Variants in NIPAL2 observed in about 807,000 individuals in gnomAD.
The protein encoded by NIPAL2 is NIPA-like protein 2.
A neutral mutation model predicts 48.9 loss-of-function variants in NIPAL2; 43 were observed. The observed-to-expected ratio is 0.88, with a 90% CI of 0.69 to 1.13. The LOEUF (loss-of-function observed/expected upper bound fraction) is 1.13, where lower values mean the gene tolerates loss of function less well. NIPAL2 is among the 50% of genes most tolerant of loss of function. The pLI, the probability that NIPAL2 is intolerant of heterozygous loss-of-function variation, is 0.00. For synonymous variants in NIPAL2, 167 were observed against 174.6 expected (o/e 0.96, Z 0.34); for missense variants, 446 against 461.4 (o/e 0.97, Z 0.31).
intron 4 of NIPAL2, among the ~76,000 whole-genome samples, chr8:98,225,887 C>T (rs549176109): frequency 3.3e-5 from 5 of 152,094 alleles, no homozygotes; most frequent in South Asian, 2.1e-4. Flanking sequence ...ATCTTGTAAG[C>T]GTGTTCCATT....
At chr8:98,229,934 T>C (rs139401493) in intron 4 of NIPAL2, among the ~76,000 whole-genome samples, 157 of 152,344 alleles carry the variant, frequency 1.0e-3, no homozygotes, top group African/African-American at 3.5e-3. Context: ...ATAAGTTGTA[T>C]AGTATATGAC....
At chr8:98,279,854 G>T (rs1815697950) in intron 1 of NIPAL2, among the ~76,000 whole-genome samples, 1 of 152,208 alleles carries the variant, frequency 6.6e-6, no homozygotes, top group African/African-American at 2.4e-5. Flanking sequence ...ATTAATGTCT[G>T]CAGTGCTCAC....
intron 3 of NIPAL2, among the ~76,000 whole-genome samples, chr8:98,243,726 A>G (rs1813118088): frequency 6.6e-6 from 1 of 152,218 alleles, no homozygotes; most frequent in African/African-American, 2.4e-5. Context: ...AATAAATGAG[A>G]AGTTAAATAC....
chr8:98,201,059 G>A (rs976052797), intron 8 of NIPAL2, among the ~76,000 whole-genome samples: 3 of 152,188 alleles, frequency 2.0e-5, no homozygotes, highest in Non-Finnish European at 4.4e-5. Context: ...CTAGGAGGGT[G>A]GCGGCATGTT....
intron 1 of NIPAL2, among the ~76,000 whole-genome samples, chr8:98,284,362 C>T (rs1044775763): frequency 6.6e-6 from 1 of 151,850 alleles, no homozygotes; most frequent in Admixed American, 6.6e-5. Context: ...TGACTTCTAA[C>T]CACTCTTTCA....
chr8:98,222,626 C>T, intron 4 of NIPAL2, 26 bp from the exon 5 acceptor site: 1 of 1,610,770 alleles, frequency 6.2e-7, no homozygotes, highest in East Asian at 2.2e-5. Context: ...AAAAGAAAAA[C>T]CAAATTGAAA....
In NIPAL2 at chr8:98,224,755, C is replaced by CTTTTT. The variant is rs371936351; in HGVS notation, c.437-2160_437-2156dup. Among the ~76,000 whole-genome samples the CTTTTT allele has an allele frequency of 1.8e-3, 226 of 123,710 alleles. 1 individual carries two copies. Among genetic ancestry groups the CTTTTT allele is most frequent in the Middle Eastern group, 5.5e-3 (1 of 182 alleles). The allele number at this position is 123,710 out of a possible 152,430, so 81.2% of individuals were successfully genotyped here. On this transcript the variant is annotated intron_variant, in intron 4 of 10. Transcript: ENST00000430223. ...CAGTTATACTTTCTTTCTTTCTTTT[C>CTTTTT]TTTTTTTTTTTTTTTTTTGTTGAAA...
At position 98,262,871 on chromosome 8, in the gene NIPAL2, C is replaced by G. The variant is rs867784476; in HGVS notation, c.136-8784G>C. On this transcript the variant is annotated intron_variant, in intron 1 of 10. Coordinates refer to ENST00000430223, the MANE Select transcript of NIPAL2 (RefSeq NM_001321635.2). ...CACCTGTTCCAAAATTGACCACATA[C>G]TTGGAAGTAAAGCTCTCCTCAGCAA... 1.1e-4 allele frequency among the ~76,000 whole-genome samples: 17 copies of G among 152,188 alleles called. 1 individual carries two copies. Among genetic ancestry groups the G allele is most frequent in the Middle Eastern group, 6.8e-3 (2 of 294 alleles).
intron 3 of NIPAL2, among the ~76,000 whole-genome samples, chr8:98,246,654 G>C (rs1813322619): frequency 6.6e-6 from 1 of 152,116 alleles, no homozygotes; most frequent in Non-Finnish European, 1.5e-5. Context: ...TTCAATATTA[G>C]TTTCTTACCT....
At chr8:98,236,260 C>T in intron 3 of NIPAL2, 46 bp from the exon 4 acceptor site, 1 of 1,332,496 alleles carries the variant, frequency 7.5e-7, no homozygotes, top group South Asian at 1.2e-5. Flanking sequence ...ATAAAAGTGT[C>T]TATTACGCAA....
intron 6 of NIPAL2, among the ~76,000 whole-genome samples, chr8:98,207,459 A>C (rs1811092869): frequency 6.6e-6 from 1 of 152,134 alleles, no homozygotes; most frequent in South Asian, 2.1e-4. Context: ...ATTGTAATGC[A>C]GTGTTCTTCT....
intron 3 of NIPAL2, among the ~76,000 whole-genome samples, chr8:98,246,811 C>T (rs1198812195): frequency 6.6e-6 from 1 of 151,990 alleles, no homozygotes; most frequent in Non-Finnish European, 1.5e-5. Context: ...TCTATTTCTC[C>T]CTCCCTCCCT....
In NIPAL2 at chr8:98,192,785, AT is replaced by A; in HGVS notation, c.*192del. On this transcript the variant is annotated 3_prime_UTR_variant, in exon 11 of 11. Coordinates refer to ENST00000430223, the MANE Select transcript of NIPAL2 (RefSeq NM_001321635.2). ...GGGTGTGGGGAACACTCCAAATCAC[AT>A]TCCATGGAAATATTAGACTGTCAGA... 1.7e-6 allele frequency: 1 copy of A among 597,432 alleles called. No individual in the cohort carries two copies. Among genetic ancestry groups the A allele is most frequent in the Non-Finnish European group, 3.0e-6 (1 of 336,002 alleles). 37.0% of individuals were successfully genotyped at this position (597,432 alleles called of 1,614,324 possible). A position where few individuals can be genotyped will look rare whatever the true frequency, so the allele number is the denominator to read the frequency against.
rs1323317184 is a variant in NIPAL2, at chr8:98,212,507, A to C, written c.559-6T>G. On this transcript the variant is annotated splice_polypyrimidine_tract_variant and splice_region_variant and intron_variant, in intron 5 of 10. Coordinates refer to ENST00000430223, the MANE Select transcript of NIPAL2 (RefSeq NM_001321635.2). The stretch of plus-strand genomic sequence containing the variant: ...AAAATTAATATTTCTAAAATCTAGA[A>C]ATGAAAAAGATGGAAAAGAGTAAGT... 1 of 1,292,198 alleles carries C rather than the reference A, an allele frequency of 7.7e-7. No homozygotes were observed. Among genetic ancestry groups the C allele is most frequent in the Non-Finnish European group, 1.1e-6 (1 of 892,222 alleles). The allele number at this position is 1,292,198 out of a possible 1,614,324, so 80.0% of individuals were successfully genotyped here.
At chr8:98,213,429 T>A (rs779406968) in intron 5 of NIPAL2, among the ~76,000 whole-genome samples, 1 of 152,146 alleles carries the variant, frequency 6.6e-6, no homozygotes, top group Admixed American at 6.5e-5. Flanking sequence ...AGTAAAAATA[T>A]AAACTAGACC....
At chr8:98,286,664 C>G (rs1007891536) in intron 1 of NIPAL2, among the ~76,000 whole-genome samples, 4 of 151,912 alleles carry the variant, frequency 2.6e-5, no homozygotes, top group Non-Finnish European at 5.9e-5. Flanking sequence ...CAAAAATTAT[C>G]TGGGCGTGGT....
At chr8:98,230,410 T>C (rs963544820) in intron 4 of NIPAL2, among the ~76,000 whole-genome samples, 13 of 152,248 alleles carry the variant, frequency 8.5e-5, no homozygotes, top group African/African-American at 3.1e-4. Context: ...CCAAAAAAGG[T>C]CCCAAGGCAA....
chr8:98,222,501 C>G lies in NIPAL2; in HGVS notation c.536G>C (p.Gly179Ala). The change falls in exon 5 of 11, where the codon GGA (glycine) becomes GCA (alanine). Residue 179 changes from glycine (G) to alanine (A), a missense_variant. Gly to Ala is a moderately conservative substitution (Grantham distance 60, BLOSUM62 0). Transcript: ENST00000430223. The part of the protein sequence containing the change: ...SARTVQYYLV[G>A]WQFLIYVILE... ...TACCACATAGATCAGGAACTGCCATCCGACAAGGTAATACTGTACTGTTCT... is the reference window on the plus strand; with the variant it reads ...TACCACATAGATCAGGAACTGCCATGCGACAAGGTAATACTGTACTGTTCT... 1 of 1,613,500 alleles carries G rather than the reference C, an allele frequency of 6.2e-7. No homozygotes were observed.
At chr8:98,245,985 C>T (rs191658501) in intron 3 of NIPAL2, among the ~76,000 whole-genome samples, 4 of 152,288 alleles carry the variant, frequency 2.6e-5, no homozygotes, top group Admixed American at 2.6e-4. Flanking sequence ...TCACAGGCAT[C>T]CTGTGAGGTT....
Sources: allele counts gnomAD v4.1 joint callset (sites outside exome capture counted in the v4.1 genomes callset), GRCh38; gene constraint gnomAD v4.1.1; transcripts MANE v1.5; gene names NCBI Gene and HGNC (gene_info 2026-07-23, HGNC 2026-07-21).